The following SYCP2L variants were observed in gnomAD, a reference collection of about 807,000 sequenced individuals.
SYCP2L encodes synaptonemal complex protein 2 like.
Under a neutral mutation model 125.8 loss-of-function variants are expected in SYCP2L, and 98 were observed. That is an observed-to-expected ratio of 0.78 (90% CI 0.66 to 0.92). The LOEUF (loss-of-function observed/expected upper bound fraction) is 0.92. SYCP2L is among the 40% of genes least tolerant of loss of function. The pLI is 0.00. For missense variants in SYCP2L, 842 were observed against 936.4 expected, an observed-to-expected ratio of 0.90 and a Z score of 1.32; for synonymous variants, 317 against 325.4, an observed-to-expected ratio of 0.97 and a Z score of 0.28.
At chr6:10,898,999 T>C (rs1780331795) in intron 6 of SYCP2L, 151 bp downstream of exon 6, 3 of 591,494 alleles carry the variant, frequency 5.1e-6, no homozygotes, top group Non-Finnish European at 9.2e-6. Flanking sequence ...ATAGTGTCAT[T>C]TGGAAATGCA....
At chr6:10,904,379 A>G (rs1780445330) in intron 8 of SYCP2L, among the ~76,000 whole-genome samples, 2 of 152,186 alleles carry the variant, frequency 1.3e-5, no homozygotes, top group Non-Finnish European at 2.9e-5. Flanking sequence ...ATGGTGGCAC[A>G]TTATTTGCGT....
At chr6:10,923,631 G>A (rs905850015) in intron 14 of SYCP2L, among the ~76,000 whole-genome samples, 26 of 150,768 alleles carry the variant, frequency 1.7e-4, no homozygotes, top group African/African-American at 4.1e-4. Flanking sequence ...TGATGCACCC[G>A]CCTCGGCCTC....
intron 29 of SYCP2L, among the ~76,000 whole-genome samples, chr6:10,968,648 A>T (rs1484716801): frequency 6.6e-6 from 1 of 152,158 alleles, no homozygotes; most frequent in Non-Finnish European, 1.5e-5. Flanking sequence ...CTGCTGACAG[A>T]TTGAATTGTA....
Position 10,888,094 on chromosome 6 carries a change from T to A in SYCP2L, c.9+959T>A, listed in dbSNP as rs1780110102. On this transcript the variant is annotated intron_variant, in intron 1 of 29. Coordinates refer to ENST00000283141, the MANE Select transcript of SYCP2L (RefSeq NM_001040274.3). The stretch of plus-strand genomic sequence containing the variant: ...TTTTTTTTTTTTTTTTTTTTTTTTT[T>A]TTTTTTTTTTTTTTTTTTTTGAGAC... Among the ~76,000 whole-genome samples, 3 of 96,488 alleles carry A rather than the reference T, an allele frequency of 3.1e-5. 1 individual carries two copies. The highest frequency in any genetic ancestry group is 3.5e-4 in the South Asian group (1 of 2,844). The allele number at this position is 96,488 out of a possible 152,430, so 63.3% of individuals were successfully genotyped here.
chr6:10,942,702 A>G lies in SYCP2L; in HGVS notation c.1910A>G (p.Glu637Gly). 1 of 1,613,832 alleles carries G rather than the reference A, an allele frequency of 6.2e-7. No individual in the cohort carries two copies. Among genetic ancestry groups the G allele is most frequent in the African/African-American group, 1.3e-5 (1 of 75,000 alleles). The change falls in exon 23 of 30, where the codon GAA becomes GGA. Residue 637 changes from glutamate to glycine, a missense_variant. Coordinates refer to ENST00000283141, the MANE Select transcript of SYCP2L (RefSeq NM_001040274.3). ...PKIVNQESLT[E>G]STSLKHKLRN... Reference sequence around the variant, plus strand: ...ATTGTGAACCAAGAATCACTAACAGAAAGTACTAGCTTGAAACATAAGCTG... The same window carrying G: ...ATTGTGAACCAAGAATCACTAACAGGAAGTACTAGCTTGAAACATAAGCTG...
chr6:10,942,762 T>A lies in SYCP2L; in HGVS notation c.1954+16T>A. 1.3e-5 allele frequency: 1 copy of A among 76,374 alleles called. No individual in the cohort carries two copies. The highest frequency in any genetic ancestry group is 2.4e-5 in the Non-Finnish European group (1 of 42,458). The allele number at this position is 76,374 out of a possible 1,614,324, so 4.7% of individuals were successfully genotyped here. A position where few individuals can be genotyped will look rare whatever the true frequency, so the allele number is the denominator to read the frequency against. On this transcript the variant is annotated intron_variant, in intron 23 of 29. Coordinates refer to ENST00000283141, the MANE Select transcript of SYCP2L (RefSeq NM_001040274.3). ...GAAGACAAAGGTAAGAGAATAGTAC[T>A]TTTTTTTTTTTTTTTGCAGAATAAA...
intron 8 of SYCP2L, among the ~76,000 whole-genome samples, chr6:10,905,412 C>T (rs1440793265): frequency 2.0e-5 from 3 of 151,910 alleles, no homozygotes; most frequent in African/African-American, 7.3e-5. Context: ...CCTGCCTCAG[C>T]CTCCCGAGTA....
At chr6:10,919,314 G>A (rs1486558550) in intron 14 of SYCP2L, among the ~76,000 whole-genome samples, 1 of 152,144 alleles carries the variant, frequency 6.6e-6, no homozygotes, top group Non-Finnish European at 1.5e-5. Flanking sequence ...GTGGCTTCCT[G>A]AGAGCCGAGC....
chr6:10,926,527 G>C, intron 16 of SYCP2L, 95 bp downstream of exon 16: 1 of 901,768 alleles, frequency 1.1e-6, no homozygotes, highest in African/African-American at 1.7e-5. Flanking sequence ...GTGGTCATAT[G>C]AGTGATGCGT....
chr6:10,951,679 C>T (rs1362191515), intron 23 of SYCP2L, among the ~76,000 whole-genome samples: 2 of 152,108 alleles, frequency 1.3e-5, no homozygotes, highest in Admixed American at 6.6e-5. Context: ...CTTGGGAAAG[C>T]GCTGTAAAAA....
Position 10,898,841 on chromosome 6 carries a change from T to C in SYCP2L, c.459T>C (p.Ser153=). 1.4e-6 allele frequency: 2 copies of C among 1,392,866 alleles called. No homozygotes were observed. The highest frequency in any genetic ancestry group is 2.0e-6 in the Non-Finnish European group (2 of 984,642). 86.3% of individuals were successfully genotyped at this position (1,392,866 alleles called of 1,614,324 possible). The part of the protein sequence containing the change: ...FDTALIISRS[S]SEGKIQMLDS... The stretch of plus-strand genomic sequence containing the variant: ...TTTGTTAGATTATTTCCAGGAGTAG[T>C]AGTGAAGGTAAGTATATTATTGGCT... The change falls in exon 6 of 30, where the codon AGT becomes AGC. Residue 153 remains serine (S), a synonymous_variant. Transcript: ENST00000283141.
In SYCP2L at chr6:10,955,153, A is replaced by G; in HGVS notation, c.1992A>G (p.Ser664=). The G allele has an allele frequency of 1.9e-6, 3 of 1,613,666 alleles. No homozygotes were observed. Among genetic ancestry groups the G allele is most frequent in the Non-Finnish European group, 2.5e-6 (3 of 1,179,540 alleles). ...PEGSFAKSQQ[S]RLEEEVAPGS... Reference sequence around the variant, plus strand: ...GTAGTTTTGCTAAGTCACAACAATCAAGATTGGAAGAAGAGGTTGCTCCGG... The same window carrying G: ...GTAGTTTTGCTAAGTCACAACAATCGAGATTGGAAGAAGAGGTTGCTCCGG... The change falls in exon 24 of 30, where the codon TCA becomes TCG. Residue 664 remains serine (S), a synonymous_variant. Transcript: ENST00000283141.
chr6:10,931,029 G>T (rs909759408), intron 19 of SYCP2L, among the ~76,000 whole-genome samples: 2 of 152,110 alleles, frequency 1.3e-5, no homozygotes, highest in African/African-American at 2.4e-5. Context: ...ACATTAGCTG[G>T]GCATGGTGGT....
Position 10,912,748 on chromosome 6 carries a change from T to G in SYCP2L, c.994T>G (p.Tyr332Asp). 6.2e-7 allele frequency: 1 copy of G among 1,613,814 alleles called. No individual in the cohort carries two copies. The highest frequency in any genetic ancestry group is 8.5e-7 in the Non-Finnish European group (1 of 1,179,852). Residue 332 changes from tyrosine to aspartate, a missense_variant, in exon 13 of 30, where the codon TAT (tyrosine) becomes GAT (aspartate). Coordinates refer to ENST00000283141, the MANE Select transcript of SYCP2L (RefSeq NM_001040274.3). The surrounding 1 kb of genome is among the most constrained non-coding windows in gnomAD (Gnocchi z 4.1). ...CCTAGGAAGTCAGAGTGTCACTTTT[T>G]ATATAGACAATGCTGAGGTAATGAT... The part of the protein sequence containing the change: ...FNLGSQSVTF[Y>D]IDNAENTLWD...
intron 4 of SYCP2L, among the ~76,000 whole-genome samples, chr6:10,896,560 T>A (rs1344621536): frequency 6.6e-6 from 1 of 152,198 alleles, no homozygotes; most frequent in Non-Finnish European, 1.5e-5. Context: ...CAGTGAGTTC[T>A]GCTGCGTAGA....
chr6:10,960,322 G>A (rs1156438785), intron 26 of SYCP2L, among the ~76,000 whole-genome samples: 2 of 152,110 alleles, frequency 1.3e-5, no homozygotes, highest in African/African-American at 2.4e-5. Flanking sequence ...GCAAGCCCAC[G>A]AAGGACTTTG....
intron 20 of SYCP2L, among the ~76,000 whole-genome samples, 154 bp from the exon 21 acceptor site, chr6:10,934,904 A>G (rs1781065121): frequency 6.6e-6 from 1 of 152,204 alleles, no homozygotes; most frequent in African/African-American, 2.4e-5. Flanking sequence ...AACTAAAAAC[A>G]CACAGAAATT....
In SYCP2L at chr6:10,924,626, A is replaced by C; in HGVS notation, c.1203A>C (p.Leu401Phe). 6.4e-7 allele frequency: 1 copy of C among 1,571,670 alleles called. No individual in the cohort carries two copies. Among genetic ancestry groups the C allele is most frequent in the Non-Finnish European group, 8.6e-7 (1 of 1,166,678 alleles). The part of the protein sequence containing the change: ...FNISQVSIQA[L>F]GEDKQMLPDQ... ...TATCACAAGTTTCCATTCAAGCTTTAGGAGAAGACAAACAGGTGGCAGGTT... is the reference window on the plus strand; with the variant it reads ...TATCACAAGTTTCCATTCAAGCTTTCGGAGAAGACAAACAGGTGGCAGGTT... Residue 401 changes from leucine (L) to phenylalanine (F), a missense_variant, in exon 15 of 30, where the codon TTA (leucine) becomes TTC (phenylalanine). Leu to Phe is a conservative substitution (Grantham distance 22). Transcript: ENST00000283141.
chr6:10,928,659 T>C (rs1780939613), intron 18 of SYCP2L, among the ~76,000 whole-genome samples: 1 of 152,216 alleles, frequency 6.6e-6, no homozygotes, highest in African/African-American at 2.4e-5. Context: ...CCGCTTCAGC[T>C]TCTTGAGTAG....
Sources: allele counts gnomAD v4.1 joint callset (sites outside exome capture counted in the v4.1 genomes callset), GRCh38; gene constraint gnomAD v4.1.1; non-coding constraint Gnocchi (gnomAD v3.1); transcripts MANE v1.5; gene names NCBI Gene and HGNC (gene_info 2026-07-23, HGNC 2026-07-21).